Variants in GFPT1 observed in about 807,000 individuals in gnomAD.
GFPT1 encodes glutamine--fructose-6-phosphate transaminase 1, also known as glutamine--fructose-6-phosphate aminotransferase [isomerizing] 1.
Under a neutral mutation model 92.0 loss-of-function variants are expected in GFPT1, and 40 were observed. The ratio of observed to expected loss-of-function variants is 0.43; its 90% CI spans 0.34 to 0.57. The LOEUF is 0.57. GFPT1 is among the 20% of genes least tolerant of loss of function. The probability of loss-of-function intolerance (pLI) is 0.02; values close to 1 mark genes in which losing one functional copy is unlikely to be tolerated. For missense variants in GFPT1, 448 were observed against 869.1 expected (o/e 0.52, Z 6.09); for synonymous variants, 269 against 280.6 (o/e 0.96, Z 0.41).
intron 13 of GFPT1, among the ~76,000 whole-genome samples, chr2:69,338,840 G>A (rs1269796437): frequency 2.2e-5 from 3 of 134,354 alleles, no homozygotes; most frequent in African/African-American, 2.9e-5. Context: ...TCGCTCTGTC[G>A]CCAGGCTGGA....
At chr2:69,379,997 G>A (rs1671969521) in intron 1 of GFPT1, among the ~76,000 whole-genome samples, 2 of 152,012 alleles carry the variant, frequency 1.3e-5, no homozygotes, top group Admixed American at 6.6e-5. Context: ...GGGATTACAG[G>A]CATGAGCCAA....
At chr2:69,361,242 G>A (rs1671464263) in intron 4 of GFPT1, among the ~76,000 whole-genome samples, 1 of 151,878 alleles carries the variant, frequency 6.6e-6, no homozygotes, top group African/African-American at 2.4e-5. Context: ...GAGCTCAGGA[G>A]TTCGAGACCA....
intron 4 of GFPT1, among the ~76,000 whole-genome samples, chr2:69,362,006 G>A (rs1273165713): frequency 6.6e-6 from 1 of 151,740 alleles, no homozygotes; most frequent in African/African-American, 2.4e-5. Flanking sequence ...AAATGGGGAG[G>A]GATAAATACA....
At chr2:69,383,497 T>C (rs1004036266) in intron 1 of GFPT1, among the ~76,000 whole-genome samples, 2 of 152,200 alleles carry the variant, frequency 1.3e-5, no homozygotes, top group African/African-American at 4.8e-5. Context: ...CCAAAGCCAT[T>C]AGACAGTATA....
intron 13 of GFPT1, among the ~76,000 whole-genome samples, chr2:69,338,949 G>A (rs566398120): frequency 2.0e-5 from 3 of 152,026 alleles, no homozygotes; most frequent in Non-Finnish European, 4.4e-5. Context: ...ATAGGCGTGC[G>A]CCACCATGCC....
Position 69,322,891 on chromosome 2 carries a change from A to G in GFPT1, c.*3298T>C, listed in dbSNP as rs1574034997. 6.6e-6 allele frequency: 1 copy of G among 152,008 alleles called. No individual in the cohort carries two copies. Among genetic ancestry groups the G allele is most frequent in the Admixed American group, 6.6e-5 (1 of 15,260 alleles). 9.4% of individuals were successfully genotyped at this position (152,008 alleles called of 1,614,324 possible). On this transcript the variant is annotated 3_prime_UTR_variant, in exon 20 of 20. Transcript: ENST00000357308. The stretch of plus-strand genomic sequence containing the variant: ...ATCACTCACTGACAGCACTTTAACA[A>G]CCCGCCTCCACTTCATCTTCCCATT...
intron 8 of GFPT1, 71 bp from the exon 9 acceptor site, chr2:69,354,383 G>A: frequency 1.5e-6 from 2 of 1,375,790 alleles, no homozygotes; most frequent in South Asian, 1.2e-5. Flanking sequence ...TTCATGTCTA[G>A]ACAGAACTAT....
intron 5 of GFPT1, 43 bp downstream of exon 5, chr2:69,359,225 A>G: frequency 2.0e-6 from 2 of 1,001,512 alleles, no homozygotes; most frequent in Non-Finnish European, 3.2e-6. Context: ...TCTCGTTAGA[A>G]GTATTCTCAA....
intron 15 of GFPT1, among the ~76,000 whole-genome samples, chr2:69,332,904 C>G (rs1248825471): frequency 6.6e-6 from 1 of 151,986 alleles, no homozygotes; most frequent in Non-Finnish European, 1.5e-5. Context: ...AATAAAATCA[C>G]AGTCTGGTAA....
rs1670400082 is a variant in GFPT1, at chr2:69,321,374, A to G, written c.*4815T>C. ...TAGGCAGTGATTTCTTATTCTTAAA[A>G]TCAACAGTAATGAATAAAGTTTTGA... On this transcript the variant is annotated 3_prime_UTR_variant, in exon 20 of 20. Coordinates refer to ENST00000357308, the MANE Select transcript of GFPT1 (RefSeq NM_001244710.2). The G allele has an allele frequency of 6.6e-6, 1 of 152,244 alleles. No homozygotes were observed. The highest frequency in any genetic ancestry group is 1.5e-5 in the Non-Finnish European group (1 of 68,042). The allele number at this position is 152,244 out of a possible 1,614,324, so 9.4% of individuals were successfully genotyped here.
chr2:69,354,389 A>ACTATATATACATGTGCATCTGAC, intron 8 of GFPT1, 77 bp from the exon 9 acceptor site: 1 of 1,328,918 alleles, frequency 7.5e-7, no homozygotes, highest in Admixed American at 1.7e-5. Flanking sequence ...TCTAGACAGA[A>ACTATATATACATGTGCATCTGAC]CTATATATAC....
At chr2:69,371,101 G>A (rs1283296132) in intron 2 of GFPT1, among the ~76,000 whole-genome samples, 1 of 136,810 alleles carries the variant, frequency 7.3e-6, no homozygotes, top group Non-Finnish European at 1.6e-5. Flanking sequence ...TTTTGAGACA[G>A]GTTCTTGCTC....
chr2:69,321,271 G>C lies in GFPT1; in HGVS notation c.*4918C>G, dbSNP rs1670396886. On this transcript the variant is annotated 3_prime_UTR_variant, in exon 20 of 20. Coordinates refer to ENST00000357308, the MANE Select transcript of GFPT1 (RefSeq NM_001244710.2). ...ATCTGTGGAGTTTGGTATCAGAAAG[G>C]GCAGAGCCTTTGTTTTATCTAACGA... The C allele has an allele frequency of 6.6e-6, 1 of 152,180 alleles. No individual in the cohort carries two copies. Among genetic ancestry groups the C allele is most frequent in the African/African-American group, 2.4e-5 (1 of 41,428 alleles). The allele number at this position is 152,180 out of a possible 1,614,324, so 9.4% of individuals were successfully genotyped here.
rs766868319 is a variant in GFPT1, at chr2:69,322,268, G to A, written c.*3921C>T. On this transcript the variant is annotated 3_prime_UTR_variant, in exon 20 of 20. Coordinates refer to ENST00000357308, the MANE Select transcript of GFPT1 (RefSeq NM_001244710.2). ...TCTTTGGCCTTCACAAATTCAATGT[G>A]ACTATGATCCTTTTCAATAATACTT... 10 of 152,072 alleles carry A rather than the reference G, an allele frequency of 6.6e-5. No individual in the cohort carries two copies. Among genetic ancestry groups the A allele is most frequent in the Non-Finnish European group, 1.3e-4 (9 of 67,994 alleles). The allele number at this position is 152,072 out of a possible 1,614,324, so 9.4% of individuals were successfully genotyped here. A position where few individuals can be genotyped will look rare whatever the true frequency, so the allele number is the denominator to read the frequency against.
In GFPT1 at chr2:69,326,022, AAC is replaced by A; in HGVS notation, c.*165_*166del. ...AAATTACTGGGAAAATGTAAGAGGT[AAC>A]TTCACAAAAATCACATATTGAGTGG... On this transcript the variant is annotated 3_prime_UTR_variant, in exon 20 of 20. Coordinates refer to ENST00000357308, the MANE Select transcript of GFPT1 (RefSeq NM_001244710.2). 1.7e-6 allele frequency: 1 copy of A among 580,302 alleles called. No individual in the cohort carries two copies. The highest frequency in any genetic ancestry group is 3.0e-6 in the Non-Finnish European group (1 of 328,218). The allele number at this position is 580,302 out of a possible 1,614,324, so 35.9% of individuals were successfully genotyped here. A position where few individuals can be genotyped will look rare whatever the true frequency, so the allele number is the denominator to read the frequency against.
intron 9 of GFPT1, among the ~76,000 whole-genome samples, chr2:69,353,702 C>T (rs894352749): frequency 5.9e-5 from 9 of 152,178 alleles, no homozygotes; most frequent in Middle Eastern, 6.8e-3. Context: ...CTGTCTCCCC[C>T]TGCCGCTCTA....
intron 12 of GFPT1, among the ~76,000 whole-genome samples, chr2:69,343,671 C>T (rs1208629133): frequency 6.6e-6 from 1 of 151,756 alleles, no homozygotes; most frequent in Non-Finnish European, 1.5e-5. Flanking sequence ...CTTGGCCTCC[C>T]AAAGTGCTGG....
chr2:69,347,734 C>T (rs1328419079), intron 11 of GFPT1, among the ~76,000 whole-genome samples: 3 of 152,066 alleles, frequency 2.0e-5, no homozygotes, highest in African/African-American at 4.8e-5. Context: ...CTGCCCACCT[C>T]GGCCTCCCAA....
At chr2:69,354,176 T>C in intron 9 of GFPT1, 83 bp downstream of exon 9, 1 of 933,964 alleles carries the variant, frequency 1.1e-6, no homozygotes, top group Non-Finnish European at 1.6e-6. Flanking sequence ...AGCACATTCA[T>C]TCACTCCAAG....
Sources: gnomAD v4.1 joint callset for allele counts (sites outside exome capture counted in the v4.1 genomes callset) on GRCh38, gnomAD v4.1.1 for gene constraint, MANE v1.5 for transcripts, NCBI Gene and HGNC (gene_info 2026-07-23, HGNC 2026-07-21) for gene names.